LRBA: variants seen among roughly 807,000 people sequenced by gnomAD.
LRBA encodes the protein lipopolysaccharide-responsive and beige-like anchor protein.
LRBA carries 176 observed loss-of-function variants against 330.0 expected under a neutral mutation model. The observed-to-expected ratio is 0.53, with a 90% confidence interval of 0.47 to 0.60. The LOEUF (loss-of-function observed/expected upper bound fraction) is 0.60, where lower values mean the gene tolerates loss of function less well. Ranked by LOEUF, LRBA falls within the 20% of genes least tolerant of loss-of-function variation. LRBA has a pLI of 0.00. For missense variants in LRBA, 3,259 were observed against 3,444.8 expected (o/e 0.95, Z 1.35); for synonymous variants, 1,230 against 1,193.0 (o/e 1.03, Z -0.64).
intron 2 of LRBA, among the ~76,000 whole-genome samples, chr4:150,944,383 T>A (rs1736013925): frequency 6.6e-6 from 1 of 152,206 alleles, no homozygotes; most frequent in African/African-American, 2.4e-5. Flanking sequence ...GCACTTTACA[T>A]AAGCACTTTA....
chr4:150,773,546 T>C (rs983119396), intron 34 of LRBA, among the ~76,000 whole-genome samples: 5 of 152,200 alleles, frequency 3.3e-5, no homozygotes, highest in African/African-American at 9.6e-5. Flanking sequence ...AATAGGCAAG[T>C]GAGATGAATA....
chr4:150,741,129 A>C (rs1448492207), intron 35 of LRBA, among the ~76,000 whole-genome samples: 1 of 152,124 alleles, frequency 6.6e-6, no homozygotes, highest in Non-Finnish European at 1.5e-5. Flanking sequence ...TGCACCAAAC[A>C]AAAATACACA....
rs192472840 is a variant in LRBA, at chr4:150,483,243, G to T, written c.6551+4489C>A. ...ATTGTTCATCATCATTTGTTAAAAAGATCATTTTCCCCCCTGGGCATACCT... is the reference window on the plus strand; with the variant it reads ...ATTGTTCATCATCATTTGTTAAAAATATCATTTTCCCCCCTGGGCATACCT... On this transcript the variant is annotated intron_variant, in intron 42 of 56. Coordinates refer to ENST00000651943, the MANE Select transcript of LRBA (RefSeq NM_001364905.1). 3.8e-3 allele frequency among the ~76,000 whole-genome samples: 570 copies of T among 151,946 alleles called. 1 individual carries two copies. The highest frequency in any genetic ancestry group is 0.013 in the African/African-American group (522 of 41,494).
intron 50 of LRBA, among the ~76,000 whole-genome samples, chr4:150,317,469 T>C (rs1276031570): frequency 1.3e-5 from 2 of 152,034 alleles, no homozygotes; most frequent in Non-Finnish European, 2.9e-5. Context: ...CTAAAGTAGC[T>C]GAAGAAAAGA....
intron 36 of LRBA, among the ~76,000 whole-genome samples, chr4:150,713,098 A>T (rs1392645993): frequency 6.6e-6 from 1 of 151,930 alleles, no homozygotes; most frequent in African/African-American, 2.4e-5. Context: ...CACCAAGCCC[A>T]GCTAATTTTT....
intron 40 of LRBA, among the ~76,000 whole-genome samples, chr4:150,562,942 G>A: frequency 6.6e-6 from 1 of 151,950 alleles, no homozygotes; most frequent in South Asian, 2.1e-4. Flanking sequence ...TGGGACTACA[G>A]GCACACACTA....
chr4:150,320,255 T>G (rs1043392685), intron 50 of LRBA, among the ~76,000 whole-genome samples: 8 of 152,178 alleles, frequency 5.3e-5, no homozygotes, highest in African/African-American at 1.9e-4. Flanking sequence ...GTGTCCTCAC[T>G]GGCAAAACAT....
intron 40 of LRBA, among the ~76,000 whole-genome samples, chr4:150,586,945 T>C (rs1001148730): frequency 6.6e-6 from 1 of 152,126 alleles, no homozygotes; most frequent in Non-Finnish European, 1.5e-5. Flanking sequence ...GACATTTCAG[T>C]CATGGGACAA....
chr4:150,784,321 A>G (rs867273681), intron 34 of LRBA, among the ~76,000 whole-genome samples: 8 of 152,276 alleles, frequency 5.3e-5, no homozygotes, highest in Middle Eastern at 3.4e-3. Flanking sequence ...CGTTTCTTGT[A>G]AAAGTCCTGG....
chr4:150,964,972 C>T (rs1401470016), intron 2 of LRBA, among the ~76,000 whole-genome samples: 1 of 152,146 alleles, frequency 6.6e-6, no homozygotes, highest in Non-Finnish European at 1.5e-5. Context: ...ATTAGACTGG[C>T]AAAAACCACA....
intron 36 of LRBA, among the ~76,000 whole-genome samples, chr4:150,706,433 G>A (rs944447213): frequency 6.6e-5 from 10 of 151,584 alleles, no homozygotes; most frequent in African/African-American, 2.2e-4. Flanking sequence ...AACACAATCT[G>A]TACTAAGATA....
intron 40 of LRBA, among the ~76,000 whole-genome samples, chr4:150,577,829 A>G (rs964319552): frequency 2.6e-5 from 4 of 152,224 alleles, no homozygotes; most frequent in South Asian, 4.1e-4. Context: ...GCAAAAAATA[A>G]AACAGTTTAA....
At chr4:150,953,611 G>T (rs995621667) in intron 2 of LRBA, among the ~76,000 whole-genome samples, 2 of 152,074 alleles carry the variant, frequency 1.3e-5, no homozygotes, top group Non-Finnish European at 1.5e-5. Context: ...TGATCTGCCA[G>T]CCCGGGCCTC....
rs181504770 is a variant in LRBA at position 150,711,712 on chromosome 4, A to G, written c.5754+23546T>C. ...ACTATTAAAAAACCCATCAATAACT[A>G]TAAAGGTACTTATGTCCAGCAGTTG... On this transcript the variant is annotated intron_variant, in intron 36 of 56. Transcript: ENST00000651943. Among the ~76,000 whole-genome samples, 21 of 152,344 alleles carry G rather than the reference A, an allele frequency of 1.4e-4. No homozygotes were observed. The East Asian group carries it at 4.0e-3, about 29-fold the overall frequency.
Position 150,277,867 on chromosome 4 carries a change from C to T in LRBA, c.8454G>A (p.Leu2818=), listed in dbSNP as rs1281451455. 1.9e-6 allele frequency: 3 copies of T among 1,614,074 alleles called. No homozygotes were observed. Among genetic ancestry groups the T allele is most frequent in the Non-Finnish European group, 2.5e-6 (3 of 1,179,992 alleles). ...GCDAGIRAMA[L]SYDQRCIISG... Reference sequence around the variant, plus strand: ...TCCAGTGTTACCTCTGGTCGTAAGACAGCGCCATGGCCCGGATTCCAGCGT... The same window carrying T: ...TCCAGTGTTACCTCTGGTCGTAAGATAGCGCCATGGCCCGGATTCCAGCGT... The change falls in exon 56 of 57, where the codon CTG becomes CTA. Residue 2818 remains leucine (L), a synonymous_variant. Coordinates refer to ENST00000651943, the MANE Select transcript of LRBA (RefSeq NM_001364905.1).
intron 40 of LRBA, among the ~76,000 whole-genome samples, chr4:150,569,184 C>T (rs931197515): frequency 6.6e-6 from 1 of 151,892 alleles, no homozygotes; most frequent in African/African-American, 2.4e-5. Context: ...GAAAAAAATA[C>T]CGTGACAAAA....
At chr4:150,331,173 T>C (rs1733948302) in intron 48 of LRBA, among the ~76,000 whole-genome samples, 1 of 152,164 alleles carries the variant, frequency 6.6e-6, no homozygotes, top group Non-Finnish European at 1.5e-5. Context: ...ATGTATGATT[T>C]GAAAAAGTCC....
chr4:150,451,080 C>T (rs1753286140), intron 44 of LRBA, among the ~76,000 whole-genome samples: 1 of 152,012 alleles, frequency 6.6e-6, no homozygotes, highest in African/African-American at 2.4e-5. Context: ...ACTAACAGAA[C>T]TGAAAGAAAA....
chr4:150,995,977 G>A (rs1164105139), intron 2 of LRBA, among the ~76,000 whole-genome samples: 1 of 151,606 alleles, frequency 6.6e-6, no homozygotes, highest in Non-Finnish European at 1.5e-5. Context: ...AGGTCCCAGT[G>A]CCAAGGAAGA....
Sources: gnomAD v4.1 joint callset for allele counts (sites outside exome capture counted in the v4.1 genomes callset) on GRCh38, gnomAD v4.1.1 for gene constraint, MANE v1.5 for transcripts, NCBI Gene and HGNC (gene_info 2026-07-23, HGNC 2026-07-21) for gene names.